Variants in CDH2 observed in about 807,000 individuals in gnomAD.
CDH2 encodes cadherin-2.
A neutral mutation model predicts 92.0 loss-of-function variants in CDH2; 17 were observed. That is an observed-to-expected ratio of 0.18 (90% CI 0.13 to 0.28). The LOEUF (loss-of-function observed/expected upper bound fraction) is 0.28. Ranked by LOEUF, CDH2 falls within the 10% of genes least tolerant of loss-of-function variation. The pLI is 1.00. For synonymous variants in CDH2, 419 were observed against 415.9 expected (o/e 1.01, Z -0.09); for missense variants, 862 against 1,133.1 (o/e 0.76, Z 3.44).
chr18:28,149,432 G>C (rs2016087731), intron 1 of CDH2, among the ~76,000 whole-genome samples: 1 of 151,892 alleles, frequency 6.6e-6, no homozygotes, highest in Non-Finnish European at 1.5e-5. Flanking sequence ...TTCCATGTAT[G>C]ATTAAGATAT....
chr18:28,043,516 A>G (rs1484645751), intron 2 of CDH2, among the ~76,000 whole-genome samples: 5 of 136,806 alleles, frequency 3.7e-5, no homozygotes, highest in East Asian at 2.1e-4. Context: ...ATATATATAT[A>G]AACAGGTTTG....
intron 1 of CDH2, among the ~76,000 whole-genome samples, chr18:28,150,762 T>C (rs1027082592): frequency 2.6e-5 from 4 of 152,198 alleles, no homozygotes; most frequent in African/African-American, 9.7e-5. Context: ...TCATCTTAAA[T>C]AGCTGAAACT....
intron 2 of CDH2, among the ~76,000 whole-genome samples, chr18:28,040,734 T>C (rs919940067): frequency 6.6e-6 from 1 of 152,160 alleles, no homozygotes; most frequent in African/African-American, 2.4e-5. Context: ...ACAAAAATAT[T>C]ATACACAGAA....
intron 1 of CDH2, among the ~76,000 whole-genome samples, chr18:28,175,797 C>G (rs2016530759): frequency 6.6e-6 from 1 of 152,214 alleles, no homozygotes; most frequent in African/African-American, 2.4e-5. Context: ...GGGCGACAGG[C>G]AGGGGGACCC....
chr18:28,033,395 T>C (rs1190711861), intron 2 of CDH2, among the ~76,000 whole-genome samples: 2 of 152,086 alleles, frequency 1.3e-5, no homozygotes, highest in African/African-American at 4.8e-5. Flanking sequence ...AATCCATTAG[T>C]CTGAAGGGAG....
At chr18:28,114,883 C>T (rs1433855931) in intron 2 of CDH2, among the ~76,000 whole-genome samples, 1 of 150,460 alleles carries the variant, frequency 6.6e-6, no homozygotes, top group Non-Finnish European at 1.5e-5. Flanking sequence ...AGGCTGCCTA[C>T]AGAATGCAAA....
intron 1 of CDH2, among the ~76,000 whole-genome samples, chr18:28,176,428 T>C (rs1055182227): frequency 1.3e-5 from 2 of 152,006 alleles, no homozygotes; most frequent in Non-Finnish European, 2.9e-5. Flanking sequence ...CAGACTGGGA[T>C]AAAGACAATA....
At chr18:27,948,515 A>G (rs1341853108), downstream of CDH2, among the ~76,000 whole-genome samples, 3 of 151,992 alleles carry the variant, frequency 2.0e-5, no homozygotes, top group African/African-American at 7.2e-5. Context: ...CATAAAAATG[A>G]AACTTGCTAT....
chr18:28,078,132 T>C (rs1303091406), intron 2 of CDH2, among the ~76,000 whole-genome samples: 1 of 152,072 alleles, frequency 6.6e-6, no homozygotes, highest in Non-Finnish European at 1.5e-5. Context: ...ACATTCCTTT[T>C]GCATTTCTGC....
At chr18:28,061,604 G>A (rs374028322) in intron 2 of CDH2, among the ~76,000 whole-genome samples, 45 of 152,216 alleles carry the variant, frequency 3.0e-4, no homozygotes, top group African/African-American at 7.0e-4. Flanking sequence ...GCACGACTCC[G>A]TCTCAAAAAA....
chr18:27,992,664 G>A lies in CDH2; in HGVS notation c.1335C>T (p.Thr445=), dbSNP rs370083047. Residue 445 remains threonine, a synonymous_variant, in exon 9 of 16, where the codon ACC becomes ACT. Transcript: ENST00000269141. ...CCCGAGGAACACTTACTTTGACCAC[G>A]GTGACTAACCCGTCGTTGCTGTTTG... ...TDPNSNDGLV[T]VVKPIDFETN... The A allele has an allele frequency of 1.1e-5, 17 of 1,610,934 alleles. No homozygotes were observed. The highest frequency in any genetic ancestry group is 6.7e-5 in the Admixed American group (4 of 59,896).
intron 2 of CDH2, among the ~76,000 whole-genome samples, chr18:28,027,852 T>C (rs1280710584): frequency 6.6e-6 from 1 of 151,776 alleles, no homozygotes; most frequent in Non-Finnish European, 1.5e-5. Flanking sequence ...TTTTGTTTTT[T>C]TTTTTTGCAG....
intron 2 of CDH2, among the ~76,000 whole-genome samples, chr18:28,117,091 T>A (rs778296160): frequency 6.6e-6 from 1 of 152,118 alleles, no homozygotes; most frequent in Non-Finnish European, 1.5e-5. Flanking sequence ...TGCTTTATCT[T>A]ACTGATTTTT....
intron 6 of CDH2, among the ~76,000 whole-genome samples, chr18:28,005,423 C>T (rs2012887315): frequency 1.3e-5 from 2 of 152,146 alleles, no homozygotes; most frequent in Non-Finnish European, 2.9e-5. Flanking sequence ...GTCCCAGGAA[C>T]GTCAAGTATC....
chr18:27,972,869 C>A (rs996703497), intron 14 of CDH2, among the ~76,000 whole-genome samples: 1 of 152,060 alleles, frequency 6.6e-6, no homozygotes, highest in Non-Finnish European at 1.5e-5. Flanking sequence ...GCTGTGGGGG[C>A]ACAGAGCAGA....
chr18:28,132,457 T>C (rs1204546211), intron 2 of CDH2, among the ~76,000 whole-genome samples: 1 of 151,326 alleles, frequency 6.6e-6, no homozygotes, highest in Non-Finnish European at 1.5e-5. Flanking sequence ...AGTCAAGGAG[T>C]GAGAGAACCA....
rs202058357 is a variant in CDH2 at position 27,992,736 on chromosome 18, T to A, written c.1263A>T (p.Arg421Ser). 5.0e-6 allele frequency: 8 copies of A among 1,613,994 alleles called. No homozygotes were observed. In the South Asian group the frequency reaches 6.6e-5, roughly 13 times the overall value. The change falls in exon 9 of 16, where the codon AGA (arginine) becomes AGT (serine). Residue 421 changes from arginine to serine, a missense_variant. Around this residue, in one of 5 missense-constraint regions of CDH2, gnomAD observed 564 missense variants for 722.2 expected, o/e 0.78. Transcript: ENST00000269141. ...PHTPAWNAVY[R>S]ISGGDPTGRF... Reference sequence around the variant, plus strand: ...GTCCAGTAGGATCTCCGCCACTGATTCTGTACACTGCGTTCCAGGCTGGTG... The same window carrying A: ...GTCCAGTAGGATCTCCGCCACTGATACTGTACACTGCGTTCCAGGCTGGTG...
intron 2 of CDH2, among the ~76,000 whole-genome samples, chr18:28,046,533 G>GA (rs1422081978): frequency 6.6e-6 from 1 of 152,100 alleles, no homozygotes; most frequent in African/African-American, 2.4e-5. Context: ...ATAATTTAGA[G>GA]AAAAATCATA....
At chr18:28,017,497 C>G (rs560081215) in intron 2 of CDH2, among the ~76,000 whole-genome samples, 27 of 152,166 alleles carry the variant, frequency 1.8e-4, no homozygotes, top group Admixed American at 1.8e-3. Context: ...TTTGGATATT[C>G]TCTCTTCTTT....
Sources: allele counts gnomAD v4.1 joint callset (sites outside exome capture counted in the v4.1 genomes callset), GRCh38; gene constraint gnomAD v4.1.1; regional missense constraint gnomAD v4.1.1; transcripts MANE v1.5; gene names NCBI Gene and HGNC (gene_info 2026-07-23, HGNC 2026-07-21).